AP3B1: variants seen among roughly 807,000 people sequenced by gnomAD.
AP3B1 encodes adaptor related protein complex 3 subunit beta 1, also known as AP-3 complex subunit beta-1.
AP3B1 carries 61 observed loss-of-function variants against 132.5 expected under a neutral mutation model. That is an observed-to-expected ratio of 0.46 (90% confidence interval 0.37 to 0.57). The LOEUF (loss-of-function observed/expected upper bound fraction) is 0.57. Among genes scored for constraint, AP3B1 ranks in the 20% least tolerant of loss-of-function variants. The pLI is 0.00. For synonymous variants in AP3B1, 388 were observed against 438.3 expected (o/e 0.89, Z 1.43); for missense variants, 1,120 against 1,289.4 (o/e 0.87, Z 2.01).
intron 12 of AP3B1, 39 bp from the exon 13 acceptor site, chr5:78,162,990 T>C: frequency 6.3e-7 from 1 of 1,596,694 alleles, no homozygotes; most frequent in South Asian, 1.1e-5. Flanking sequence ...ACACTGGTAT[T>C]ATTGAGTTAA....
At chr5:78,071,115 T>C (rs1749521712) in intron 22 of AP3B1, among the ~76,000 whole-genome samples, 2 of 152,224 alleles carry the variant, frequency 1.3e-5, no homozygotes, top group African/African-American at 4.8e-5. Flanking sequence ...ACACATATGT[T>C]CATTGCAGCA....
chr5:78,062,419 A>G (rs895039994), intron 22 of AP3B1, among the ~76,000 whole-genome samples: 2 of 152,198 alleles, frequency 1.3e-5, no homozygotes, highest in African/African-American at 4.8e-5. Context: ...TTAAAATTAA[A>G]AAGTAAAAAT....
intron 1 of AP3B1, among the ~76,000 whole-genome samples, chr5:78,288,955 A>C (rs957220910): frequency 6.6e-6 from 1 of 151,502 alleles, no homozygotes; most frequent in Admixed American, 6.6e-5. Flanking sequence ...AAAAAAAAAA[A>C]CACCCAAAAA....
At chr5:78,179,265 T>C (rs1580451061) in intron 8 of AP3B1, among the ~76,000 whole-genome samples, 1 of 152,208 alleles carries the variant, frequency 6.6e-6, no homozygotes, top group African/African-American at 2.4e-5. Flanking sequence ...GTAAATCCTT[T>C]TCCCTTACAA....
Position 78,015,414 on chromosome 5 carries a change from GTA to G in AP3B1, c.3125_3126del (p.Ile1042ThrfsTer6), listed in dbSNP as rs1408070384. 1 of 1,613,570 alleles carries G rather than the reference GTA, an allele frequency of 6.2e-7. No individual in the cohort carries two copies. Among genetic ancestry groups the G allele is most frequent in the Non-Finnish European group, 8.5e-7 (1 of 1,179,756 alleles). On this transcript the variant is annotated frameshift_variant, in exon 26 of 27. Transcript: ENST00000255194. LOFTEE classifies it high-confidence loss of function. ...ATCGTGTGTTAGTGAACCTACCTGT[GTA>G]TATTATCCTGGCCAGAAGGGACTGC... ...VGAVPSGQDN[I>X]HRFAAKTVHS...
At chr5:78,195,075 A>AT in intron 7 of AP3B1, among the ~76,000 whole-genome samples, 1 of 152,036 alleles carries the variant, frequency 6.6e-6, no homozygotes, top group East Asian at 1.9e-4. Context: ...AAAAAAAAAA[A>AT]AAATTTAAAA....
chr5:78,109,324 G>A (rs1375849635), intron 20 of AP3B1, among the ~76,000 whole-genome samples: 1 of 152,070 alleles, frequency 6.6e-6, no homozygotes, highest in Non-Finnish European at 1.5e-5. Flanking sequence ...GAGGGCAATT[G>A]TCTACTTCAA....
At chr5:78,098,144 G>A (rs1236483068) in intron 21 of AP3B1, among the ~76,000 whole-genome samples, 4 of 151,116 alleles carry the variant, frequency 2.6e-5, no homozygotes, top group South Asian at 2.1e-4. Flanking sequence ...CAAACACTGC[G>A]GAAGGCCGCA....
At chr5:78,010,764 T>C (rs1746587674) in intron 26 of AP3B1, among the ~76,000 whole-genome samples, 1 of 152,196 alleles carries the variant, frequency 6.6e-6, no homozygotes, top group Non-Finnish European at 1.5e-5. Flanking sequence ...ATTCATATAC[T>C]GGTTTAATGC....
At chr5:78,239,610 C>CA (rs70997975) in intron 3 of AP3B1, among the ~76,000 whole-genome samples, 38,097 of 147,018 alleles carry the variant, frequency 0.26, 5,827 homozygotes, top group Middle Eastern at 0.41. Flanking sequence ...CCTGTCTCTA[C>CA]AAAAAAAAAA....
At chr5:78,054,115 G>A (rs1748705460) in intron 22 of AP3B1, among the ~76,000 whole-genome samples, 1 of 152,212 alleles carries the variant, frequency 6.6e-6, no homozygotes, top group Non-Finnish European at 1.5e-5. Context: ...CTGGAGGCAT[G>A]AAGGGCCTGA....
intron 22 of AP3B1, among the ~76,000 whole-genome samples, chr5:78,066,520 C>T (rs572792243): frequency 6.6e-5 from 10 of 152,064 alleles, no homozygotes; most frequent in Admixed American, 6.6e-5. Flanking sequence ...CACAATGCAA[C>T]CCACAAGTAT....
At chr5:78,172,012 G>T (rs184554820) in intron 11 of AP3B1, among the ~76,000 whole-genome samples, 52 of 152,176 alleles carry the variant, frequency 3.4e-4, no homozygotes, top group African/African-American at 1.1e-3. Context: ...GGTTTTTGTC[G>T]TTGGTTCTGT....
intron 1 of AP3B1, among the ~76,000 whole-genome samples, chr5:78,278,172 C>T (rs1748866370): frequency 6.6e-6 from 1 of 152,154 alleles, no homozygotes. Context: ...TTGCCTGTTA[C>T]AAATTTTATG....
intron 7 of AP3B1, among the ~76,000 whole-genome samples, chr5:78,189,044 C>T (rs562528851): frequency 5.3e-5 from 8 of 152,046 alleles, no homozygotes; most frequent in East Asian, 1.9e-4. Context: ...ATGGACACAG[C>T]GAGGGAACAA....
intron 2 of AP3B1, among the ~76,000 whole-genome samples, chr5:78,249,716 T>A (rs535194262): frequency 6.6e-6 from 1 of 151,962 alleles, no homozygotes; most frequent in East Asian, 1.9e-4. Flanking sequence ...TCTGTGTAGC[T>A]GGGACCACAG....
intron 7 of AP3B1, among the ~76,000 whole-genome samples, chr5:78,215,674 A>AC (rs1189075049): frequency 2.0e-5 from 3 of 152,192 alleles, no homozygotes; most frequent in African/African-American, 7.2e-5. Context: ...CACATCACCT[A>AC]CTTTTTTTAC....
chr5:78,047,459 T>C (rs528742981), intron 22 of AP3B1, among the ~76,000 whole-genome samples: 1 of 152,366 alleles, frequency 6.6e-6, no homozygotes, highest in Admixed American at 6.5e-5. Flanking sequence ...CCAGTGATGA[T>C]GAGCTTTTTT....
chr5:78,250,637 T>C (rs557213833), intron 2 of AP3B1, among the ~76,000 whole-genome samples: 1 of 152,186 alleles, frequency 6.6e-6, no homozygotes, highest in East Asian at 1.9e-4. Context: ...TATAAAAACA[T>C]TCCACAGTTC....
Sources: gnomAD v4.1 joint callset for allele counts (sites outside exome capture counted in the v4.1 genomes callset) on GRCh38, gnomAD v4.1.1 for gene constraint, MANE v1.5 for transcripts, NCBI Gene and HGNC (gene_info 2026-07-23, HGNC 2026-07-21) for gene names.